Variants in ANKRD44 observed in about 807,000 individuals in gnomAD.
The protein encoded by ANKRD44 is ankyrin repeat domain 44.
In ANKRD44, 35 loss-of-function variants were observed where a neutral mutation model predicts 116.0. The ratio of observed to expected loss-of-function variants is 0.30; its 90% confidence interval spans 0.23 to 0.40. ANKRD44 has a LOEUF of 0.40. Ranked by LOEUF, ANKRD44 falls within the 10% of genes least tolerant of loss-of-function variation. ANKRD44 has a pLI of 1.00. For missense variants in ANKRD44, 1,014 were observed against 1,242.6 expected (o/e 0.82, Z 2.77); for synonymous variants, 435 against 461.8 (o/e 0.94, Z 0.74).
chr2:197,168,996 C>G (rs758758474), intron 2 of ANKRD44, among the ~76,000 whole-genome samples: 8 of 152,202 alleles, frequency 5.3e-5, no homozygotes, highest in Non-Finnish European at 8.8e-5. Context: ...AAAATATTCT[C>G]CAGAACATTG....
chr2:197,075,850 G>A (rs1478706233), intron 16 of ANKRD44, among the ~76,000 whole-genome samples: 1 of 152,142 alleles, frequency 6.6e-6, no homozygotes, highest in East Asian at 1.9e-4. Flanking sequence ...GAGTGTCAGA[G>A]TCAAAGAAAA....
chr2:197,044,428 G>A (rs534839464), intron 16 of ANKRD44, among the ~76,000 whole-genome samples: 3 of 152,074 alleles, frequency 2.0e-5, no homozygotes, highest in African/African-American at 4.8e-5. Flanking sequence ...GTACAGCGGC[G>A]CGATCTCGGC....
At chr2:196,993,469 A>AG in intron 27 of ANKRD44, 114 bp downstream of exon 27, 1 of 821,280 alleles carries the variant, frequency 1.2e-6, no homozygotes, top group Non-Finnish European at 2.0e-6. Context: ...AGGACTTCCA[A>AG]GGGGGACAGA....
chr2:197,309,901 G>A (rs947674413), intron 1 of ANKRD44, among the ~76,000 whole-genome samples: 2 of 152,120 alleles, frequency 1.3e-5, no homozygotes, highest in Non-Finnish European at 2.9e-5. Context: ...GTCTCAGCAA[G>A]GAAAGCCAAC....
intron 2 of ANKRD44, among the ~76,000 whole-genome samples, chr2:197,158,868 G>A (rs2079886748): frequency 6.6e-6 from 1 of 152,098 alleles, no homozygotes; most frequent in African/African-American, 2.4e-5. Context: ...TCAAGGGACA[G>A]GGTCCCTGCC....
intron 21 of ANKRD44, among the ~76,000 whole-genome samples, chr2:196,978,126 G>A (rs1041772658): frequency 6.6e-6 from 1 of 152,206 alleles, no homozygotes; most frequent in African/African-American, 2.4e-5. Flanking sequence ...CCCAATGTTA[G>A]AGGGGGGCCT....
At chr2:197,299,748 GCAC>G (rs897244030) in intron 1 of ANKRD44, among the ~76,000 whole-genome samples, 1 of 152,068 alleles carries the variant, frequency 6.6e-6, no homozygotes, top group African/African-American at 2.4e-5. Context: ...GGTGACAGGT[GCAC>G]CAAAATCTCA....
At chr2:197,163,467 C>T (rs1267343866) in intron 2 of ANKRD44, among the ~76,000 whole-genome samples, 1 of 152,142 alleles carries the variant, frequency 6.6e-6, no homozygotes, top group Non-Finnish European at 1.5e-5. Flanking sequence ...AGATGTGGGA[C>T]ATTTACTTAG....
intron 5 of ANKRD44, 137 bp from the exon 6 acceptor site, chr2:197,125,605 A>G (rs2078957405): frequency 1.1e-6 from 1 of 924,156 alleles, no homozygotes; most frequent in South Asian, 1.4e-5. Context: ...CAAAGTAGAA[A>G]TATGATGTCA....
chr2:196,971,843 A>G (rs1344930518), intron 21 of ANKRD44, among the ~76,000 whole-genome samples: 3 of 152,166 alleles, frequency 2.0e-5, no homozygotes, highest in Non-Finnish European at 4.4e-5. Flanking sequence ...GATGCATCCA[A>G]TTGTAGTCTG....
At chr2:197,261,345 C>A (rs1443487569) in intron 1 of ANKRD44, among the ~76,000 whole-genome samples, 2 of 151,808 alleles carry the variant, frequency 1.3e-5, no homozygotes, top group South Asian at 4.1e-4. Context: ...ATCCTTTCCC[C>A]ATTGCTTGTT....
chr2:197,218,284 G>A (rs1291993622), intron 1 of ANKRD44, among the ~76,000 whole-genome samples: 1 of 152,166 alleles, frequency 6.6e-6, no homozygotes, highest in African/African-American at 2.4e-5. Flanking sequence ...CCCAGGAGCA[G>A]GTGTCTCTGC....
chr2:196,996,677 G>A (rs1184040894), intron 25 of ANKRD44, among the ~76,000 whole-genome samples: 5 of 152,048 alleles, frequency 3.3e-5, no homozygotes, highest in African/African-American at 9.7e-5. Context: ...TGCCAAGGCG[G>A]GCGGATCACG....
chr2:197,231,194 AG>A (rs1396498519), intron 1 of ANKRD44, among the ~76,000 whole-genome samples: 1 of 152,154 alleles, frequency 6.6e-6, no homozygotes, highest in Non-Finnish European at 1.5e-5. Flanking sequence ...AGGCTGAAGC[AG>A]GAGGATCGCT....
intron 16 of ANKRD44, among the ~76,000 whole-genome samples, chr2:197,031,649 G>T (rs1481460335): frequency 1.3e-5 from 2 of 152,194 alleles, no homozygotes; most frequent in African/African-American, 2.4e-5. Context: ...GGAACAAAAT[G>T]CTATGATGTT....
At chr2:197,050,910 A>C (rs947107843) in intron 16 of ANKRD44, among the ~76,000 whole-genome samples, 1 of 151,830 alleles carries the variant, frequency 6.6e-6, no homozygotes, top group Non-Finnish European at 1.5e-5. Flanking sequence ...CTGTGAAAGC[A>C]TAGTACCCTA....
At chr2:197,301,090 T>C (rs917653134) in intron 1 of ANKRD44, 1 of 152,176 alleles carries the variant, frequency 6.6e-6, no homozygotes, top group Non-Finnish European at 1.5e-5. Context: ...CCCGGCTTCA[T>C]TTTCCTCATC....
At chr2:197,092,637 T>G (rs2078067684) in intron 10 of ANKRD44, among the ~76,000 whole-genome samples, 1 of 152,180 alleles carries the variant, frequency 6.6e-6, no homozygotes, top group African/African-American at 2.4e-5. Context: ...ATCCATCAAG[T>G]GATGCAATTT....
chr2:197,293,841 G>A (rs1339060572), intron 1 of ANKRD44, among the ~76,000 whole-genome samples: 1 of 152,284 alleles, frequency 6.6e-6, no homozygotes, highest in Middle Eastern at 3.4e-3. Flanking sequence ...CAGATGATAC[G>A]ATACTAGAAC....
Sources: gnomAD v4.1 joint callset for allele counts (sites outside exome capture counted in the v4.1 genomes callset) on GRCh38, gnomAD v4.1.1 for gene constraint, MANE v1.5 for transcripts, NCBI Gene and HGNC (gene_info 2026-07-23, HGNC 2026-07-21) for gene names.